The following ZDHHC15 variants were observed in gnomAD, a reference collection of about 807,000 sequenced individuals.
ZDHHC15 encodes the protein zDHHC palmitoyltransferase 15.
In ZDHHC15, 19 loss-of-function variants were observed where a neutral mutation model predicts 31.7. The ratio of observed to expected loss-of-function variants is 0.60; its 90% CI spans 0.42 to 0.88. ZDHHC15 has a LOEUF of 0.88. Among genes scored for constraint, ZDHHC15 ranks in the 40% least tolerant of loss-of-function variants. ZDHHC15 has a pLI of 0.00. For synonymous variants in ZDHHC15, 103 were observed against 90.0 expected (o/e 1.14, Z -0.82); for missense variants, 209 against 251.2 (o/e 0.83, Z 1.14).
intron 11 of ZDHHC15, among the ~76,000 whole-genome samples, chrX:75,373,924 C>G (rs373265815): frequency 1.6e-4 from 3 of 19,057 alleles, no homozygotes; most frequent in Non-Finnish European, 4.8e-4. Context: ...TTCATTCTTT[C>G]TGTTTTTTTT....
chrX:75,382,844 G>A (rs765041966), intron 10 of ZDHHC15, among the ~76,000 whole-genome samples: 2 of 111,783 alleles, frequency 1.8e-5, no homozygotes, highest in Non-Finnish European at 3.8e-5. Flanking sequence ...GTATCAAAAT[G>A]TGATATTATA....
chrX:75,450,929 G>A lies in ZDHHC15; in HGVS notation c.259-7C>T. On this transcript the variant is annotated splice_polypyrimidine_tract_variant and splice_region_variant and intron_variant, in intron 3 of 11. Transcript: ENST00000373367. ...CTGTGTAGGACAAGTGGAACTGGAA[G>A]CAGGAGTGAAAGGTAAGACTTTATT... 1 of 1,205,470 alleles carries A rather than the reference G, an allele frequency of 8.3e-7. No individual in the cohort carries two copies. The highest frequency in any genetic ancestry group is 3.0e-5 in the East Asian group (1 of 33,757).
intron 4 of ZDHHC15, among the ~76,000 whole-genome samples, chrX:75,443,468 C>A (rs1301948975): frequency 9.0e-6 from 1 of 111,679 alleles, no homozygotes; most frequent in Non-Finnish European, 1.9e-5. Context: ...AAAATTAATT[C>A]AAGATGGATT....
intron 10 of ZDHHC15, among the ~76,000 whole-genome samples, chrX:75,403,196 T>A (rs5937375): frequency 8.9e-6 from 1 of 111,987 alleles, no homozygotes; most frequent in African/African-American, 3.2e-5. Flanking sequence ...CATCCCTTCA[T>A]GTTAAAATAA....
intron 2 of ZDHHC15, among the ~76,000 whole-genome samples, chrX:75,484,229 C>T (rs1176408671): frequency 9.0e-6 from 1 of 111,441 alleles, no homozygotes; most frequent in Non-Finnish European, 1.9e-5. Flanking sequence ...GACACATTTT[C>T]CTCATATCAA....
chrX:75,438,327 T>C (rs1006660518), intron 4 of ZDHHC15, among the ~76,000 whole-genome samples: 9 of 111,934 alleles, frequency 8.0e-5, no homozygotes, highest in African/African-American at 2.9e-4. Flanking sequence ...GTAATTGTTT[T>C]ATAAATTTGT....
intron 2 of ZDHHC15, among the ~76,000 whole-genome samples, chrX:75,493,041 C>T (rs1250373340): frequency 9.0e-6 from 1 of 111,300 alleles, no homozygotes; most frequent in African/African-American, 3.3e-5. Flanking sequence ...GCTAGCAAGA[C>T]TAATAAAGAA....
intron 2 of ZDHHC15, among the ~76,000 whole-genome samples, chrX:75,500,157 G>A (rs918114764): frequency 3.6e-5 from 4 of 109,674 alleles, no homozygotes; most frequent in African/African-American, 9.9e-5. Context: ...AAAAGGCTAC[G>A]CACTGGGTTC....
At position 75,478,901 on chromosome X, in the gene ZDHHC15, G is replaced by C. The variant is rs2084646277; in HGVS notation, c.248C>G (p.Pro83Arg). ...WKSIFTLPQQ[P>R]NQKFHLSYTD... ...AACCAATATTCTTACCTTCTGGTTT[G>C]GCTGCTGTGGGAGTGTAAAGATAGA... The change falls in exon 3 of 12, where the codon CCA becomes CGA. Residue 83 changes from proline to arginine, a missense_variant. Physicochemically the swap from Pro to Arg is moderately radical, Grantham distance 103. Coordinates refer to ENST00000373367, the MANE Select transcript of ZDHHC15 (RefSeq NM_144969.3). 1 of 1,193,924 alleles carries C rather than the reference G, an allele frequency of 8.4e-7. No homozygotes were observed. The highest frequency in any genetic ancestry group is 1.8e-5 in the African/African-American group (1 of 56,197).
intron 1 of ZDHHC15, among the ~76,000 whole-genome samples, chrX:75,506,193 C>CT (rs1048048082): frequency 7.2e-5 from 8 of 111,327 alleles, no homozygotes; most frequent in Middle Eastern, 4.2e-3. Context: ...AACATGCTTT[C>CT]TTTTTTTTAT....
intron 2 of ZDHHC15, among the ~76,000 whole-genome samples, chrX:75,489,703 T>C (rs1602717338): frequency 8.9e-6 from 1 of 112,451 alleles, no homozygotes; most frequent in South Asian, 3.7e-4. Context: ...TCCAAAGGAA[T>C]GCAGCTCCTC....
intron 1 of ZDHHC15, among the ~76,000 whole-genome samples, chrX:75,516,586 C>G (rs779437512): frequency 8.9e-6 from 1 of 112,149 alleles, no homozygotes; most frequent in East Asian, 2.8e-4. Context: ...AAAATTAATT[C>G]AAGATGGATT....
chrX:75,441,111 C>T (rs949948661), intron 4 of ZDHHC15, among the ~76,000 whole-genome samples: 5 of 112,225 alleles, frequency 4.5e-5, no homozygotes. Flanking sequence ...ATGGAGAAAG[C>T]AAGCAGGGCT....
chrX:75,495,485 T>C (rs933341305), intron 2 of ZDHHC15, among the ~76,000 whole-genome samples: 1 of 110,762 alleles, frequency 9.0e-6, no homozygotes, highest in African/African-American at 3.3e-5. Context: ...TGCACACGTA[T>C]GTTTATTGCG....
intron 2 of ZDHHC15, among the ~76,000 whole-genome samples, chrX:75,492,227 C>G (rs976481229): frequency 1.8e-5 from 2 of 111,542 alleles, no homozygotes; most frequent in East Asian, 5.6e-4. Flanking sequence ...ATAAGAAGAG[C>G]TAACTATCCT....
At chrX:75,522,023 G>A (rs757965816) in intron 1 of ZDHHC15, among the ~76,000 whole-genome samples, 27 of 111,362 alleles carry the variant, frequency 2.4e-4, no homozygotes, top group Admixed American at 1.0e-3. Context: ...CAATAGCAGG[G>A]TCACCAGTAT....
chrX:75,427,695 T>C (rs1435454123), intron 7 of ZDHHC15, among the ~76,000 whole-genome samples: 2 of 111,422 alleles, frequency 1.8e-5, no homozygotes, highest in African/African-American at 6.5e-5. Context: ...TTAATAATAA[T>C]CCTGTGCTGT....
At chrX:75,433,571 T>C (rs761729222) in intron 4 of ZDHHC15, among the ~76,000 whole-genome samples, 23 of 110,448 alleles carry the variant, frequency 2.1e-4, no homozygotes, top group African/African-American at 6.9e-4. Flanking sequence ...AGAATAATGG[T>C]CTCCAACTCC....
At chrX:75,403,902 C>T (rs2083383759) in intron 10 of ZDHHC15, among the ~76,000 whole-genome samples, 1 of 111,672 alleles carries the variant, frequency 9.0e-6, no homozygotes, top group South Asian at 3.7e-4. Context: ...GAAGCAAAAA[C>T]GAGCCTGAAT....
Sources: allele counts gnomAD v4.1 joint callset (sites outside exome capture counted in the v4.1 genomes callset), GRCh38; gene constraint gnomAD v4.1.1; transcripts MANE v1.5; gene names NCBI Gene and HGNC (gene_info 2026-07-23, HGNC 2026-07-21).